The following BRD10 variants were observed in gnomAD, a reference collection of about 807,000 sequenced individuals.
The protein encoded by BRD10 is bromodomain containing 10, also known as uncharacterized bromodomain-containing protein 10.
the BRD10 span, chr9:5,922,206 CA>C: frequency 1.2e-6 from 2 of 1,613,960 alleles, no homozygotes; most frequent in Non-Finnish European, 1.7e-6. Context: ...TGCTTTGCTT[CA>C]GAAGAATCAG....
chr9:5,896,312 G>C, the BRD10 span, among the ~76,000 whole-genome samples: 1 of 152,256 alleles, frequency 6.6e-6, no homozygotes, highest in East Asian at 1.9e-4. Context: ...ATGAATGGTA[G>C]TCACTATGGT....
chr9:6,008,042 C>CCGG, the BRD10 span: 2 of 1,147,600 alleles, frequency 1.7e-6, no homozygotes, highest in African/African-American at 1.6e-5. Context: ...CCCCTCCCCC[C>CCGG]CGGCGGCGGC....
the BRD10 span, among the ~76,000 whole-genome samples, chr9:5,888,242 T>C: frequency 6.6e-6 from 1 of 152,224 alleles, no homozygotes; most frequent in African/African-American, 2.4e-5. Context: ...GAAATGCTTC[T>C]GGGCTGTCCA....
At chr9:5,920,006 G>C in the BRD10 span, 5 of 1,613,978 alleles carry the variant, frequency 3.1e-6, no homozygotes, top group Non-Finnish European at 4.2e-6. Context: ...TGTTGGTACA[G>C]GAGGTGGAAC....
At chr9:5,908,408 T>C in the BRD10 span, among the ~76,000 whole-genome samples, 1 of 152,322 alleles carries the variant, frequency 6.6e-6, no homozygotes, top group African/African-American at 2.4e-5. Context: ...AGCTAAGCTT[T>C]TGAGATTTTG....
chr9:5,879,848 C>A, the BRD10 span, among the ~76,000 whole-genome samples: 24 of 152,130 alleles, frequency 1.6e-4, no homozygotes, highest in Non-Finnish European at 3.1e-4. Flanking sequence ...TCCCATAGCT[C>A]GGATCTCCCT....
the BRD10 span, among the ~76,000 whole-genome samples, chr9:5,905,865 C>A: frequency 6.6e-6 from 1 of 152,180 alleles, no homozygotes; most frequent in South Asian, 2.1e-4. Context: ...ACTATTCTCC[C>A]GGCCATGGTC....
the BRD10 span, among the ~76,000 whole-genome samples, chr9:5,967,382 G>A: frequency 1.7e-4 from 26 of 152,262 alleles, no homozygotes; most frequent in South Asian, 4.8e-3. Flanking sequence ...ATTTTCTGTT[G>A]TTTAAATAGG....
the BRD10 span, among the ~76,000 whole-genome samples, chr9:5,943,545 T>TAA: frequency 2.7e-4 from 26 of 98,102 alleles, no homozygotes; most frequent in African/African-American, 7.7e-4. Flanking sequence ...GCATAAAACA[T>TAA]AAAAAAAAAA....
the BRD10 span, chr9:5,924,815 G>A: frequency 6.5e-7 from 1 of 1,531,766 alleles, no homozygotes; most frequent in Non-Finnish European, 8.8e-7. Flanking sequence ...GTTGTCTTCT[G>A]AAATCATCAT....
At chr9:5,938,766 G>C in the BRD10 span, among the ~76,000 whole-genome samples, 1 of 152,152 alleles carries the variant, frequency 6.6e-6, no homozygotes, top group Admixed American at 6.5e-5. Flanking sequence ...AGCTGAGATA[G>C]TTTTCAGTTT....
chr9:5,920,214 C>T, the BRD10 span: 1 of 1,612,982 alleles, frequency 6.2e-7, no homozygotes, highest in Non-Finnish European at 8.5e-7. Context: ...ATGCCTTGGC[C>T]ACTGTTAAGA....
the BRD10 span, among the ~76,000 whole-genome samples, chr9:5,927,666 C>T: frequency 6.6e-6 from 1 of 152,134 alleles, no homozygotes; most frequent in Non-Finnish European, 1.5e-5. Context: ...TTCCTCAACC[C>T]ATCATGAGCA....
the BRD10 span, among the ~76,000 whole-genome samples, chr9:5,931,872 A>G: frequency 3.3e-5 from 5 of 152,198 alleles, no homozygotes; most frequent in Non-Finnish European, 7.3e-5. Flanking sequence ...GAGGTTTAAA[A>G]AAGTTGAAAA....
At chr9:5,958,356 G>A in the BRD10 span, among the ~76,000 whole-genome samples, 3 of 152,098 alleles carry the variant, frequency 2.0e-5, no homozygotes, top group African/African-American at 7.2e-5. Context: ...ACATAAGAAG[G>A]TGATTATCAT....
the BRD10 span, among the ~76,000 whole-genome samples, chr9:5,988,952 C>T: frequency 1.8e-4 from 27 of 152,016 alleles, no homozygotes; most frequent in African/African-American, 5.8e-4. Context: ...TATAAACAGC[C>T]GGGTGCAGTG....
At chr9:6,003,510 T>C in the BRD10 span, among the ~76,000 whole-genome samples, 1 of 152,218 alleles carries the variant, frequency 6.6e-6, no homozygotes. Context: ...TTCTAAAATA[T>C]AACTTTCTTG....
the BRD10 span, among the ~76,000 whole-genome samples, chr9:5,947,927 G>C: frequency 6.6e-6 from 1 of 152,116 alleles, no homozygotes; most frequent in Non-Finnish European, 1.5e-5. Context: ...CTGAGGCACA[G>C]GGCCTGCAGG....
the BRD10 span, among the ~76,000 whole-genome samples, chr9:6,008,421 G>T: frequency 7.9e-5 from 12 of 152,188 alleles, no homozygotes; most frequent in East Asian, 2.3e-3. Context: ...CCCCCCGGCT[G>T]GGAAGAGCTG....
Sources: allele counts gnomAD v4.1 joint callset (sites outside exome capture counted in the v4.1 genomes callset), GRCh38; gene constraint gnomAD v4.1.1; transcripts MANE v1.5; gene names NCBI Gene and HGNC (gene_info 2026-07-23, HGNC 2026-07-21).